KCNMA1: variants seen among roughly 807,000 people sequenced by gnomAD.
KCNMA1 encodes the protein potassium calcium-activated channel subfamily M alpha 1.
A neutral mutation model predicts 140.0 loss-of-function variants in KCNMA1; 29 were observed. That is an observed-to-expected ratio of 0.21 (90% CI 0.15 to 0.28). The LOEUF (loss-of-function observed/expected upper bound fraction) is 0.28. Among genes scored for constraint, KCNMA1 ranks in the 10% least tolerant of loss-of-function variants. KCNMA1 has a pLI of 1.00. For missense variants in KCNMA1, 880 were observed against 1,602.2 expected, an observed-to-expected ratio of 0.55 and a Z score of 7.70; for synonymous variants, 612 against 611.9, an observed-to-expected ratio of 1.00 and a Z score of 0.00.
intron 3 of KCNMA1, among the ~76,000 whole-genome samples, chr10:77,218,350 A>G (rs890879138): frequency 6.6e-6 from 1 of 152,226 alleles, no homozygotes; most frequent in African/African-American, 2.4e-5. Flanking sequence ...ATCAAGTGTT[A>G]CATTTCTTAA....
chr10:77,392,204 G>A (rs1248083404), intron 2 of KCNMA1, among the ~76,000 whole-genome samples: 1 of 119,094 alleles, frequency 8.4e-6, no homozygotes, highest in Non-Finnish European at 1.8e-5. Flanking sequence ...AGGGGGCAGT[G>A]GGGAGGAAGG....
At chr10:77,594,076 G>C (rs1043121963) in intron 1 of KCNMA1, among the ~76,000 whole-genome samples, 2 of 152,100 alleles carry the variant, frequency 1.3e-5, no homozygotes, top group Admixed American at 1.3e-4. Flanking sequence ...AAGAGAAATG[G>C]GAGTGTGAAG....
intron 14 of KCNMA1, among the ~76,000 whole-genome samples, chr10:77,054,635 C>T (rs1412581804): frequency 6.6e-6 from 1 of 152,202 alleles, no homozygotes; most frequent in Non-Finnish European, 1.5e-5. Context: ...CAAGACAGGA[C>T]CCCTGTATTT....
In KCNMA1 at chr10:77,413,202, T is replaced by G. The variant is rs182159844; in HGVS notation, c.379-9179A>C. On this transcript the variant is annotated intron_variant, in intron 1 of 27. Coordinates refer to ENST00000286628, the MANE Select transcript of KCNMA1 (RefSeq NM_001161352.2). Reference sequence around the variant, plus strand: ...AAATGCTTTGTTTCATGACAATAACTATGACATCCTGTGGCACAGTTTGGC... The same window carrying G: ...AAATGCTTTGTTTCATGACAATAACGATGACATCCTGTGGCACAGTTTGGC... Among the ~76,000 whole-genome samples the G allele has an allele frequency of 2.5e-3, 388 of 152,302 alleles. 1 individual carries two copies. Among genetic ancestry groups the G allele is most frequent in the Non-Finnish European group, 4.5e-3 (306 of 68,032 alleles).
At chr10:76,882,082 G>A (rs143074833), downstream of KCNMA1, among the ~76,000 whole-genome samples, 3 of 152,308 alleles carry the variant, frequency 2.0e-5, no homozygotes, top group African/African-American at 7.2e-5. Flanking sequence ...ATGGGCTCTT[G>A]CAGGGAAGGG....
At position 77,204,145 on chromosome 10, in the gene KCNMA1, C is replaced by T. The variant is rs190404512; in HGVS notation, c.603-19229G>A. ...AGAAAAAAGAACTTAAATTATATGACAATTACATCAGTTACAATATTACTA... is the reference window on the plus strand; with the variant it reads ...AGAAAAAAGAACTTAAATTATATGATAATTACATCAGTTACAATATTACTA... On this transcript the variant is annotated intron_variant, in intron 3 of 27. Coordinates refer to ENST00000286628, the MANE Select transcript of KCNMA1 (RefSeq NM_001161352.2). 1.7e-3 allele frequency among the ~76,000 whole-genome samples: 256 copies of T among 151,412 alleles called. No homozygotes were observed. The Middle Eastern group carries it at 0.021, about 12-fold the overall frequency.
chr10:77,240,099 TA>T lies in KCNMA1; in HGVS notation c.602+11095del, dbSNP rs1165190540. Among the ~76,000 whole-genome samples, 6 of 152,250 alleles carry T rather than the reference TA, an allele frequency of 3.9e-5. No individual in the cohort carries two copies. The South Asian group carries it at 1.2e-3, about 32-fold the overall frequency. On this transcript the variant is annotated intron_variant, in intron 3 of 27. Coordinates refer to ENST00000286628, the MANE Select transcript of KCNMA1 (RefSeq NM_001161352.2). ...AGACAGATTTGGGCCTCTCTTCTTA[TA>T]AAAAAAGAATCTGACAATTTAAGGG...
chr10:77,450,625 T>G (rs1433332921), intron 1 of KCNMA1, among the ~76,000 whole-genome samples: 2 of 152,190 alleles, frequency 1.3e-5, no homozygotes, highest in Non-Finnish European at 2.9e-5. Context: ...CTTTAAGGTA[T>G]CTCACTAGTA....
At chr10:77,337,889 G>A (rs2089692520) in intron 2 of KCNMA1, among the ~76,000 whole-genome samples, 1 of 152,170 alleles carries the variant, frequency 6.6e-6, no homozygotes, top group Non-Finnish European at 1.5e-5. Context: ...TCTTCCTGCA[G>A]TATGGCAAAT....
chr10:77,462,959 C>A, intron 1 of KCNMA1, among the ~76,000 whole-genome samples: 1 of 152,132 alleles, frequency 6.6e-6, no homozygotes, highest in East Asian at 1.9e-4. Flanking sequence ...GTGGGAGAAA[C>A]CTCGATGAAA....
chr10:76,960,029 C>T (rs1336195774), intron 20 of KCNMA1, among the ~76,000 whole-genome samples: 1 of 152,214 alleles, frequency 6.6e-6, no homozygotes, highest in African/African-American at 2.4e-5. Flanking sequence ...CATACCCTCC[C>T]ACTTTAAGGA....
At chr10:77,163,742 A>T (rs2098599268) in intron 5 of KCNMA1, among the ~76,000 whole-genome samples, 1 of 152,178 alleles carries the variant, frequency 6.6e-6, no homozygotes, top group African/African-American at 2.4e-5. Flanking sequence ...AAGACTGTCA[A>T]ATCAGGACCC....
At chr10:77,388,605 TG>T (rs1198274418) in intron 2 of KCNMA1, among the ~76,000 whole-genome samples, 1 of 152,244 alleles carries the variant, frequency 6.6e-6, no homozygotes, top group African/African-American at 2.4e-5. Context: ...GAAAGTGGAT[TG>T]TTTTTTATAT....
chr10:76,897,756 A>T (rs901044147), intron 25 of KCNMA1, among the ~76,000 whole-genome samples: 4 of 152,026 alleles, frequency 2.6e-5, no homozygotes, highest in Admixed American at 6.6e-5. Context: ...ACTAATTATT[A>T]AAAAAATGAC....
intron 1 of KCNMA1, among the ~76,000 whole-genome samples, chr10:77,510,025 C>T (rs1032357003): frequency 2.0e-5 from 3 of 152,108 alleles, no homozygotes; most frequent in African/African-American, 7.2e-5. Flanking sequence ...GTTCTCCTTC[C>T]ATGAGTGTTG....
At chr10:77,415,910 C>A (rs189507154) in intron 1 of KCNMA1, among the ~76,000 whole-genome samples, 1 of 152,360 alleles carries the variant, frequency 6.6e-6, no homozygotes, top group East Asian at 1.9e-4. Context: ...TATATCGTTA[C>A]TCCTTTGTTG....
At position 76,884,887 on chromosome 10, in the gene KCNMA1, A is replaced by C; in HGVS notation, c.*2379T>G. On this transcript the variant is annotated 3_prime_UTR_variant, in exon 28 of 28. Transcript: ENST00000286628. ...AAACCAATAACAGAATAAAATTTGT[A>C]ACTCCTTTTTTTTTAATTTCACAAA... 7.1e-7 allele frequency: 1 copy of C among 1,411,932 alleles called. No homozygotes were observed. The highest frequency in any genetic ancestry group is 1.6e-5 in the South Asian group (1 of 60,658). The allele number at this position is 1,411,932 out of a possible 1,614,324, so 87.5% of individuals were successfully genotyped here. A position where few individuals can be genotyped will look rare whatever the true frequency, so the allele number is the denominator to read the frequency against.
intron 9 of KCNMA1, among the ~76,000 whole-genome samples, chr10:77,107,584 G>A (rs1291982655): frequency 6.6e-6 from 1 of 152,180 alleles, no homozygotes; most frequent in Admixed American, 6.5e-5. Context: ...AAACCTTGGG[G>A]TCTCTATTGA....
chr10:77,109,404 G>A (rs1370382030), intron 8 of KCNMA1, among the ~76,000 whole-genome samples: 2 of 21,686 alleles, frequency 9.2e-5, no homozygotes, highest in Non-Finnish European at 1.9e-4. Context: ...TTCATAAATG[G>A]CAAAAAAAAA....
Sources: allele counts gnomAD v4.1 joint callset (sites outside exome capture counted in the v4.1 genomes callset), GRCh38; gene constraint gnomAD v4.1.1; transcripts MANE v1.5; gene names NCBI Gene and HGNC (gene_info 2026-07-23, HGNC 2026-07-21).